Variants in CDH17 observed in about 807,000 individuals in gnomAD.
The protein encoded by CDH17 is cadherin-17.
CDH17 carries 67 observed loss-of-function variants against 86.3 expected under a neutral mutation model. The observed-to-expected ratio is 0.78, with a 90% CI of 0.64 to 0.95. CDH17 has a LOEUF of 0.95. Ranked by LOEUF, CDH17 falls within the 40% of genes least tolerant of loss-of-function variation. The pLI, the probability that CDH17 is intolerant of heterozygous loss-of-function variation, is 0.00. For synonymous variants in CDH17, 367 were observed against 366.4 expected, an observed-to-expected ratio of 1.00 and a Z score of -0.02; for missense variants, 993 against 1,017.6, an observed-to-expected ratio of 0.98 and a Z score of 0.33.
chr8:94,200,483 A>G (rs1248712555), intron 1 of CDH17, among the ~76,000 whole-genome samples: 1 of 146,782 alleles, frequency 6.8e-6, no homozygotes, highest in Non-Finnish European at 1.5e-5. Context: ...ATTATTTGAG[A>G]GACCAAGCAC....
At chr8:94,130,159 T>C (rs1397943268) in intron 17 of CDH17, among the ~76,000 whole-genome samples, 1 of 152,178 alleles carries the variant, frequency 6.6e-6, no homozygotes, top group Non-Finnish European at 1.5e-5. Context: ...CAGGGTTCTA[T>C]GCATAGGGAA....
At chr8:94,190,840 T>C (rs1017259410) in intron 2 of CDH17, among the ~76,000 whole-genome samples, 2 of 152,208 alleles carry the variant, frequency 1.3e-5, no homozygotes, top group African/African-American at 4.8e-5. Context: ...AAAGGTCTTA[T>C]GCTAGATCCC....
intron 15 of CDH17, among the ~76,000 whole-genome samples, chr8:94,131,359 C>A (rs993607148): frequency 1.3e-5 from 2 of 152,208 alleles, no homozygotes; most frequent in Non-Finnish European, 2.9e-5. Flanking sequence ...TTTTCCCCAA[C>A]TGATCAATAC....
At chr8:94,189,681 A>G (rs1377296491) in intron 2 of CDH17, among the ~76,000 whole-genome samples, 2 of 152,106 alleles carry the variant, frequency 1.3e-5, no homozygotes, top group Non-Finnish European at 2.9e-5. Flanking sequence ...GCTTCATAAA[A>G]CACCTCCCTC....
chr8:94,154,192 G>A (rs1663935558), intron 12 of CDH17, among the ~76,000 whole-genome samples: 3 of 152,056 alleles, frequency 2.0e-5, no homozygotes, highest in Non-Finnish European at 2.9e-5. Flanking sequence ...GTTCTCAATC[G>A]AGTGTCAGCA....
intron 17 of CDH17, among the ~76,000 whole-genome samples, chr8:94,128,694 A>G (rs1812350846): frequency 6.6e-6 from 1 of 152,188 alleles, no homozygotes; most frequent in African/African-American, 2.4e-5. Flanking sequence ...TGAACTTTAT[A>G]TATACTTAAT....
chr8:94,137,664 A>T (rs2130576870), intron 15 of CDH17, among the ~76,000 whole-genome samples: 1 of 151,820 alleles, frequency 6.6e-6, no homozygotes, highest in Admixed American at 6.6e-5. Context: ...AAAGCACAGA[A>T]ACGTGAAAAA....
At chr8:94,186,769 A>G (rs1415056296) in intron 3 of CDH17, among the ~76,000 whole-genome samples, 1 of 152,206 alleles carries the variant, frequency 6.6e-6, no homozygotes, top group African/African-American at 2.4e-5. Flanking sequence ...GAGTGATCAC[A>G]CAGTAAGCTT....
intron 10 of CDH17, among the ~76,000 whole-genome samples, chr8:94,164,654 G>T (rs1390412566): frequency 6.6e-6 from 1 of 152,164 alleles, no homozygotes; most frequent in Non-Finnish European, 1.5e-5. Context: ...GAAACATGAA[G>T]CACAGTGTGA....
intron 1 of CDH17, among the ~76,000 whole-genome samples, chr8:94,203,950 T>C (rs2129647815): frequency 6.6e-6 from 1 of 152,282 alleles, no homozygotes; most frequent in East Asian, 1.9e-4. Context: ...AAAATCTGGA[T>C]TTACACACAT....
At chr8:94,163,223 G>A (rs1045523853) in intron 10 of CDH17, among the ~76,000 whole-genome samples, 2 of 152,220 alleles carry the variant, frequency 1.3e-5, no homozygotes, top group African/African-American at 2.4e-5. Flanking sequence ...AGAAGTTCAG[G>A]TAACCTAACC....
intron 15 of CDH17, among the ~76,000 whole-genome samples, chr8:94,132,880 C>T (rs1251983565): frequency 6.6e-6 from 1 of 152,216 alleles, no homozygotes; most frequent in Non-Finnish European, 1.5e-5. Context: ...CAGCTTTCTA[C>T]ATATGCCTAG....
intron 13 of CDH17, among the ~76,000 whole-genome samples, chr8:94,149,747 C>A (rs1415397111): frequency 6.6e-6 from 1 of 152,072 alleles, no homozygotes; most frequent in African/African-American, 2.4e-5. Context: ...GGCAGCCAGC[C>A]AATGATTTAA....
At chr8:94,131,049 A>G in intron 15 of CDH17, 57 bp from the exon 16 acceptor site, 3 of 908,786 alleles carry the variant, frequency 3.3e-6, no homozygotes, top group South Asian at 2.8e-5. Context: ...ATTAGCAGGA[A>G]TAAAGCTCAT....
At chr8:94,128,460 C>T (rs1223816223) in intron 17 of CDH17, 120 bp from the exon 18 acceptor site, 5 of 657,234 alleles carry the variant, frequency 7.6e-6, no homozygotes, top group Non-Finnish European at 1.3e-5. Context: ...GTATGTGATT[C>T]AACAAAATTT....
intron 1 of CDH17, among the ~76,000 whole-genome samples, chr8:94,199,063 ATATATATATATATATATATATTTTTT>A (rs1409113454): frequency 9.4e-5 from 2 of 21,236 alleles, no homozygotes; most frequent in South Asian, 1.4e-3. Context: ...ATATATATAT[ATATATATATATATATATATATTTTTT>A]TTTTTTTATC....
chr8:94,146,243 AAAATTCAAGGAGTTAGGTACACTG>A, intron 14 of CDH17, 76 bp from the exon 15 acceptor site: 3 of 1,347,140 alleles, frequency 2.2e-6, no homozygotes, highest in Non-Finnish European at 2.0e-6. Flanking sequence ...CCCTTTCTTT[AAAATTCAAGGAGTTAGGTACACTG>A]AGATGCTAGA....
At chr8:94,178,013 T>TA (rs1249407911) in intron 3 of CDH17, among the ~76,000 whole-genome samples, 38 of 152,338 alleles carry the variant, frequency 2.5e-4, no homozygotes, top group African/African-American at 8.7e-4. Flanking sequence ...ATCTGAAATC[T>TA]ATGACATTAC....
intron 12 of CDH17, among the ~76,000 whole-genome samples, chr8:94,158,351 C>T (rs572601872): frequency 7.9e-5 from 12 of 152,096 alleles, no homozygotes; most frequent in Non-Finnish European, 1.8e-4. Flanking sequence ...ATACTTACAG[C>T]TCTCACCCAC....
Sources: gnomAD v4.1 joint callset for allele counts (sites outside exome capture counted in the v4.1 genomes callset) on GRCh38, gnomAD v4.1.1 for gene constraint, MANE v1.5 for transcripts, NCBI Gene and HGNC (gene_info 2026-07-23, HGNC 2026-07-21) for gene names.